Variants in ADGRD2 observed in about 807,000 individuals in gnomAD.
The protein encoded by ADGRD2 is G protein-coupled receptor PGR24.
A neutral mutation model predicts 44.4 loss-of-function variants in ADGRD2; 71 were observed. The ratio of observed to expected loss-of-function variants is 1.60; its 90% confidence interval spans 1.32 to 1.95. The LOEUF is 1.95. Among genes scored for constraint, ADGRD2 ranks in the 30% most tolerant of loss-of-function variants. ADGRD2 has a pLI of 0.00. For synonymous variants in ADGRD2, 481 were observed against 224.8 expected, an observed-to-expected ratio of 2.14 and a Z score of -10.19; for missense variants, 1,039 against 512.4, an observed-to-expected ratio of 2.03 and a Z score of -9.92.
chr9:124,476,234 G>A (rs1832046757), intron 19 of ADGRD2, 123 bp from the exon 23 acceptor site: 2 of 589,030 alleles, frequency 3.4e-6, no homozygotes, highest in South Asian at 4.4e-5. Context: ...TTACTAATCT[G>A]TGAGGTAAAC....
At chr9:124,459,216 G>A (rs1461911905) in intron 10 of ADGRD2, among the ~76,000 whole-genome samples, 5 of 152,228 alleles carry the variant, frequency 3.3e-5, no homozygotes, top group African/African-American at 1.2e-4. Context: ...GTAGGTCCGG[G>A]CACGGTGGCT....
At chr9:124,467,679 G>A (rs1163390438) in intron 11 of ADGRD2, 42 bp from the exon 15 acceptor site, 1 of 716,780 alleles carries the variant, frequency 1.4e-6, no homozygotes, top group Non-Finnish European at 2.6e-6. Flanking sequence ...CCTGGGTTGG[G>A]TCTGGGTGGT....
intron 17 of ADGRD2, among the ~76,000 whole-genome samples, chr9:124,472,174 C>T (rs1312774343): frequency 1.4e-5 from 2 of 144,718 alleles, no homozygotes; most frequent in Non-Finnish European, 3.0e-5. Flanking sequence ...CCACCGTCAG[C>T]CATGGGGCAA....
chr9:124,452,004 TCCCA>T, upstream of ADGRD2: 1 of 114,464 alleles, frequency 8.7e-6, no homozygotes, highest in Non-Finnish European at 1.8e-5. Context: ...AATGCCCCCC[TCCCA>T]CCCACCCCCA....
At chr9:124,467,409 C>G (rs568937775) in intron 11 of ADGRD2, 1 of 352,470 alleles carries the variant, frequency 2.8e-6, no homozygotes, top group East Asian at 5.0e-5. Flanking sequence ...TCATCCGCAG[C>G]CCCATTCTGA....
chr9:124,452,131 A>G (rs1164529203), exon 1 of ADGRD2: 1 of 717,726 alleles, frequency 1.4e-6, no homozygotes, highest in Non-Finnish European at 2.6e-6. Context: ...TCCCCAGGTG[A>G]ATCAAGGAAC....
intron 1 of ADGRD2, 34 bp downstream of exon 4, chr9:124,452,188 A>G (rs769541207): frequency 9.0e-5 from 62 of 692,210 alleles, no homozygotes; most frequent in Non-Finnish European, 2.7e-6. Flanking sequence ...GGAGGGTCCC[A>G]GTCCCCCAGC....
intron 10 of ADGRD2, among the ~76,000 whole-genome samples, chr9:124,463,392 T>A (rs987215345): frequency 5.3e-5 from 8 of 152,212 alleles, no homozygotes; most frequent in Admixed American, 2.0e-4. Flanking sequence ...TAGCTAGTAT[T>A]TTGTTGAGGA....
At position 124,460,390 on chromosome 9, in the gene ADGRD2, T is replaced by TATATA. The variant is rs1564139962; in HGVS notation, c.1870+1669_1870+1670insATATA. ...GCTAATTTTGTATATATATATATAT[T>TATATA]TTTTTTTAGTAGAGATGGGGTTTCT... On this transcript the variant is annotated intron_variant, in intron 10 of 21. Transcript: ENST00000334810. Among the ~76,000 whole-genome samples the TATATA allele has an allele frequency of 1.9e-4, 16 of 85,594 alleles. No individual in the cohort carries two copies. In the East Asian group the frequency reaches 3.5e-3, roughly 19 times the overall value. The allele number at this position is 85,594 out of a possible 152,430, so 56.2% of individuals were successfully genotyped here. A position where few individuals can be genotyped will look rare whatever the true frequency, so the allele number is the denominator to read the frequency against.
chr9:124,469,176 A>G (rs1359175532), intron 14 of ADGRD2, 46 bp from the exon 18 acceptor site: 1 of 682,528 alleles, frequency 1.5e-6, no homozygotes, highest in Admixed American at 2.1e-5. Context: ...CCTGGAGAGG[A>G]AAAAGCAGGT....
At chr9:124,466,955 C>G (rs1157012709) in intron 11 of ADGRD2, 1 of 152,610 alleles carries the variant, frequency 6.6e-6, no homozygotes, top group African/African-American at 2.4e-5. Context: ...GGACGTGAGC[C>G]TCAGGAACGC....
At chr9:124,456,922 C>A (rs1346186514) in intron 7 of ADGRD2, among the ~76,000 whole-genome samples, 189 bp downstream of exon 10, 1 of 152,208 alleles carries the variant, frequency 6.6e-6, no homozygotes, top group Admixed American at 6.5e-5. Flanking sequence ...CTTCAGAACC[C>A]TGTGTGGGCC....
exon 15 of ADGRD2, chr9:124,469,231 T>G (rs1193283774): frequency 1.4e-6 from 1 of 714,740 alleles, no homozygotes; most frequent in Non-Finnish European, 2.6e-6. Flanking sequence ...GGCGTGCCTG[T>G]GGGCATCGTG....
At chr9:124,453,117 G>A (rs1380015451) in exon 3 of ADGRD2, 1 of 701,512 alleles carries the variant, frequency 1.4e-6, no homozygotes, top group East Asian at 2.7e-5. Flanking sequence ...TGCCTGAGCT[G>A]GCAGCGCTGA....
At chr9:124,464,884 T>C (rs1831789395) in intron 10 of ADGRD2, among the ~76,000 whole-genome samples, 1 of 152,198 alleles carries the variant, frequency 6.6e-6, no homozygotes. Context: ...TCATGCCCAA[T>C]GTTGTGAATT....
At chr9:124,456,558 G>T in intron 6 of ADGRD2, 64 bp from the exon 10 acceptor site, 1 of 711,030 alleles carries the variant, frequency 1.4e-6, no homozygotes, top group South Asian at 1.5e-5. Flanking sequence ...TTATCCCAGC[G>T]CTCAGGGCAG....
intron 6 of ADGRD2, among the ~76,000 whole-genome samples, 153 bp from the exon 10 acceptor site, chr9:124,456,469 C>A (rs561460838): frequency 6.6e-6 from 1 of 152,276 alleles, no homozygotes; most frequent in Admixed American, 6.5e-5. Context: ...ACCTGAGGAC[C>A]CAGGACTTGA....
At chr9:124,455,936 T>C (rs1269606279) in intron 6 of ADGRD2, among the ~76,000 whole-genome samples, 1 of 152,198 alleles carries the variant, frequency 6.6e-6, no homozygotes. Flanking sequence ...CCTGTGGGCC[T>C]CAGAGGACAG....
rs1416340735 is a variant in ADGRD2, at chr9:124,453,022, C to T, written c.282-13C>T. The T allele has an allele frequency of 6.2e-6, 4 of 644,146 alleles. No homozygotes were observed. Among genetic ancestry groups the T allele is most frequent in the Non-Finnish European group, 1.1e-5 (4 of 356,148 alleles). The allele number at this position is 644,146 out of a possible 1,614,324, so 39.9% of individuals were successfully genotyped here. A position where few individuals can be genotyped will look rare whatever the true frequency, so the allele number is the denominator to read the frequency against. On this transcript the variant is annotated splice_polypyrimidine_tract_variant and intron_variant, in intron 2 of 21. Transcript: ENST00000334810. ...GTGAGGAAACTGAGGTCGCAGCCCA[C>T]GTGTCCCTGCAGGTGCGCGCACCAC...
Sources: allele counts gnomAD v4.1 joint callset (sites outside exome capture counted in the v4.1 genomes callset), GRCh38; gene constraint gnomAD v4.1.1; transcripts MANE v1.5; gene names NCBI Gene and HGNC (gene_info 2026-07-23, HGNC 2026-07-21).